TRPM3: variants seen among roughly 807,000 people sequenced by gnomAD.
The protein encoded by TRPM3 is transient receptor potential cation channel subfamily M member 3, also known as long transient receptor potential channel 3.
Under a neutral mutation model 181.2 loss-of-function variants are expected in TRPM3, and 77 were observed. The ratio of observed to expected loss-of-function variants is 0.42; its 90% confidence interval spans 0.35 to 0.51. TRPM3 has a LOEUF of 0.51. Ranked by LOEUF, TRPM3 falls within the 20% of genes least tolerant of loss-of-function variation. The pLI, the probability that TRPM3 is intolerant of heterozygous loss-of-function variation, is 0.01. For synonymous variants in TRPM3, 745 were observed against 796.4 expected (o/e 0.94, Z 1.09); for missense variants, 1,759 against 2,196.7 (o/e 0.80, Z 3.98).
chr9:70,550,286 C>T (rs748646544), intron 24 of TRPM3, among the ~76,000 whole-genome samples: 2 of 152,144 alleles, frequency 1.3e-5, no homozygotes, highest in African/African-American at 2.4e-5. Flanking sequence ...CAGTTTTTCA[C>T]CTTCTCCTCT....
chr9:70,768,750 A>G (rs1483582076), intron 7 of TRPM3, among the ~76,000 whole-genome samples: 1 of 152,012 alleles, frequency 6.6e-6, no homozygotes, highest in African/African-American at 2.4e-5. Flanking sequence ...TCAAAAACGT[A>G]TATTTGATTC....
chr9:71,072,777 G>A (rs1422120412), intron 1 of TRPM3, among the ~76,000 whole-genome samples: 1 of 152,172 alleles, frequency 6.6e-6, no homozygotes, highest in Non-Finnish European at 1.5e-5. Flanking sequence ...TTGGAAAACT[G>A]ACAAACTGCA....
intron 1 of TRPM3, among the ~76,000 whole-genome samples, chr9:71,063,737 A>G (rs1057451473): frequency 6.6e-6 from 1 of 152,144 alleles, no homozygotes; most frequent in African/African-American, 2.4e-5. Flanking sequence ...ATGTAGACTG[A>G]GAACACCTGA....
At chr9:71,209,073 A>G (rs1434652741) in intron 1 of TRPM3, among the ~76,000 whole-genome samples, 1 of 152,122 alleles carries the variant, frequency 6.6e-6, no homozygotes, top group Non-Finnish European at 1.5e-5. Flanking sequence ...CATAGCTAGA[A>G]ATGGAATTCT....
chr9:70,987,314 T>A (rs1265295951), intron 1 of TRPM3, among the ~76,000 whole-genome samples: 2 of 152,182 alleles, frequency 1.3e-5, no homozygotes, highest in Admixed American at 1.3e-4. Flanking sequence ...GTCTATTCTA[T>A]CCCTTTATTC....
At chr9:70,936,596 G>T (rs1222343556) in intron 1 of TRPM3, among the ~76,000 whole-genome samples, 1 of 152,186 alleles carries the variant, frequency 6.6e-6, no homozygotes, top group Non-Finnish European at 1.5e-5. Flanking sequence ...CTACCAGTTT[G>T]CTGGATGTTT....
chr9:70,659,566 C>A (rs1282874993), intron 9 of TRPM3, among the ~76,000 whole-genome samples: 1 of 152,146 alleles, frequency 6.6e-6, no homozygotes, highest in South Asian at 2.1e-4. Flanking sequence ...TAAAGCAAAT[C>A]TGTCCTACCA....
Position 71,047,703 on chromosome 9 carries a change from A to G in TRPM3, c.177+73475T>C, listed in dbSNP as rs2059597399. Among the ~76,000 whole-genome samples, 3 of 152,206 alleles carry G rather than the reference A, an allele frequency of 2.0e-5. No individual in the cohort carries two copies. The South Asian group carries it at 6.2e-4, about 31-fold the overall frequency. ...CATTCCTTTGTCATCAGCAAAAGCT[A>G]GAATGGCTAAATATGTTCCATAGTA... is the stretch of plus-strand genomic sequence containing the variant. On this transcript the variant is annotated intron_variant, in intron 1 of 25. Transcript: ENST00000677713.
intron 1 of TRPM3, among the ~76,000 whole-genome samples, chr9:71,210,796 G>T (rs553936001): frequency 1.7e-4 from 26 of 152,302 alleles, no homozygotes; most frequent in African/African-American, 5.8e-4. Context: ...GATGAAAAGG[G>T]AAAGTCTAAG....
intron 1 of TRPM3, among the ~76,000 whole-genome samples, chr9:71,219,235 T>A (rs767500274): frequency 6.6e-6 from 1 of 152,166 alleles, no homozygotes; most frequent in East Asian, 1.9e-4. Context: ...TTTTTTTCCA[T>A]GGATGTCAAT....
chr9:71,417,076 A>C (rs1163265459), intron 1 of TRPM3, among the ~76,000 whole-genome samples: 3 of 151,924 alleles, frequency 2.0e-5, no homozygotes, highest in African/African-American at 7.2e-5. Flanking sequence ...ATTAATGGAC[A>C]TTGGGTTGTC....
chr9:71,007,293 T>C (rs1218209132), intron 1 of TRPM3, among the ~76,000 whole-genome samples: 1 of 151,750 alleles, frequency 6.6e-6, no homozygotes, highest in Non-Finnish European at 1.5e-5. Flanking sequence ...CTTTCAGCAA[T>C]GAACAGATTA....
intron 1 of TRPM3, among the ~76,000 whole-genome samples, chr9:70,888,146 T>C (rs982764440): frequency 6.6e-6 from 1 of 152,178 alleles, no homozygotes; most frequent in African/African-American, 2.4e-5. Context: ...AGAAGGCGTA[T>C]TAACTAGATT....
chr9:71,007,039 C>CAAAAAAAAAAAAAA (rs59442017), intron 1 of TRPM3, among the ~76,000 whole-genome samples: 13 of 27,982 alleles, frequency 4.6e-4, no homozygotes, highest in Non-Finnish European at 6.5e-4. Flanking sequence ...AACTCCATCT[C>CAAAAAAAAAAAAAA]AAAAAAAAAA....
At chr9:71,275,503 C>T (rs2084131601) in intron 1 of TRPM3, among the ~76,000 whole-genome samples, 1 of 151,720 alleles carries the variant, frequency 6.6e-6, no homozygotes, top group Non-Finnish European at 1.5e-5. Context: ...TGTGTGTGTG[C>T]ACATGTATGT....
At chr9:70,627,333 C>G (rs1159195930) in intron 12 of TRPM3, among the ~76,000 whole-genome samples, 1 of 130,022 alleles carries the variant, frequency 7.7e-6, no homozygotes, top group East Asian at 2.5e-4. Context: ...AGTGCAATGG[C>G]GTGATTTGGG....
chr9:71,399,017 A>T (rs1470144723), intron 1 of TRPM3, among the ~76,000 whole-genome samples: 2 of 152,176 alleles, frequency 1.3e-5, no homozygotes, highest in East Asian at 3.8e-4. Flanking sequence ...GCCTTAAATA[A>T]TTTTGACTAT....
At chr9:71,199,325 T>C (rs2078620406) in intron 1 of TRPM3, among the ~76,000 whole-genome samples, 2 of 152,194 alleles carry the variant, frequency 1.3e-5, no homozygotes, top group African/African-American at 4.8e-5. Flanking sequence ...GATATTGGTC[T>C]AAAATTCTCT....
At chr9:70,588,619 G>C (rs2057567886) in intron 22 of TRPM3, among the ~76,000 whole-genome samples, 1 of 152,190 alleles carries the variant, frequency 6.6e-6, no homozygotes, top group Non-Finnish European at 1.5e-5. Context: ...TGTGGGTCCA[G>C]GCGGATATGA....
Sources: allele counts gnomAD v4.1 joint callset (sites outside exome capture counted in the v4.1 genomes callset), GRCh38; gene constraint gnomAD v4.1.1; transcripts MANE v1.5; gene names NCBI Gene and HGNC (gene_info 2026-07-23, HGNC 2026-07-21).